The following ATP8B4 variants were observed in gnomAD, a reference collection of about 807,000 sequenced individuals.
ATP8B4 encodes the protein probable phospholipid-transporting ATPase IM.
ATP8B4 carries 133 observed loss-of-function variants against 145.6 expected under a neutral mutation model. The ratio of observed to expected loss-of-function variants is 0.91; its 90% CI spans 0.79 to 1.05. The LOEUF (loss-of-function observed/expected upper bound fraction) is 1.05, where lower values mean the gene tolerates loss of function less well. ATP8B4 is among the 50% of genes least tolerant of loss of function. ATP8B4 has a pLI of 0.00. For synonymous variants in ATP8B4, 507 were observed against 492.9 expected (o/e 1.03, Z -0.38); for missense variants, 1,458 against 1,425.2 (o/e 1.02, Z -0.37).
At chr15:50,167,497 A>T (rs977924966) in intron 1 of ATP8B4, among the ~76,000 whole-genome samples, 2 of 152,200 alleles carry the variant, frequency 1.3e-5, no homozygotes, top group Non-Finnish European at 2.9e-5. Context: ...GACATCTGTC[A>T]TTGAATTTAG....
chr15:50,164,089 C>T (rs1392005384), intron 1 of ATP8B4, among the ~76,000 whole-genome samples: 1 of 152,148 alleles, frequency 6.6e-6, no homozygotes, highest in East Asian at 1.9e-4. Context: ...TGCCTGGAGT[C>T]AGGGACCCCA....
At chr15:49,988,667 T>C (rs1020142192) in intron 9 of ATP8B4, among the ~76,000 whole-genome samples, 1 of 152,142 alleles carries the variant, frequency 6.6e-6, no homozygotes, top group African/African-American at 2.4e-5. Flanking sequence ...GGGGACTGTA[T>C]CTTTAGCGCT....
At chr15:50,015,283 C>T (rs189566685) in intron 6 of ATP8B4, among the ~76,000 whole-genome samples, 4 of 152,282 alleles carry the variant, frequency 2.6e-5, no homozygotes, top group African/African-American at 7.2e-5. Flanking sequence ...AGAGAGACTT[C>T]GTTTCCATTT....
intron 4 of ATP8B4, among the ~76,000 whole-genome samples, chr15:50,046,074 T>A (rs567187328): frequency 6.6e-6 from 1 of 152,290 alleles, no homozygotes; most frequent in Non-Finnish European, 1.5e-5. Context: ...TCTGTCCACA[T>A]AACTTTAGGA....
chr15:50,056,720 C>T (rs57531448), intron 3 of ATP8B4, among the ~76,000 whole-genome samples: 18,272 of 148,758 alleles, frequency 0.12, 1,583 homozygotes, highest in African/African-American at 0.25. Context: ...TATATATACA[C>T]ACACACACAC....
chr15:49,917,007 T>C lies in ATP8B4; in HGVS notation c.2068A>G (p.Met690Val). 2 of 1,614,060 alleles carry C rather than the reference T, an allele frequency of 1.2e-6. No homozygotes were observed. The highest frequency in any genetic ancestry group is 1.7e-6 in the Non-Finnish European group (2 of 1,179,934). Residue 690 changes from methionine (M) to valine (V), a missense_variant, in exon 20 of 28, where the codon ATG (methionine) becomes GTG (valine). Transcript: ENST00000284509. ...TAINIGYACN[M>V]LTDDMNDVFV... ...ACATCATTCATGTCGTCAGTCAGCA[T>C]GTTGCAGGCATAACCGATGTTGATG...
At chr15:49,945,327 AAGCATACCCAT>A (rs1440731899) in intron 14 of ATP8B4, among the ~76,000 whole-genome samples, 1 of 152,160 alleles carries the variant, frequency 6.6e-6, no homozygotes, top group African/African-American at 2.4e-5. Context: ...TAGAAAGTCT[AAGCATACCCAT>A]AGCTAGTATA....
intron 19 of ATP8B4, among the ~76,000 whole-genome samples, chr15:49,917,956 T>C (rs2039908947): frequency 6.6e-6 from 1 of 152,208 alleles, no homozygotes; most frequent in Non-Finnish European, 1.5e-5. Flanking sequence ...AGTGCTCAAC[T>C]TTCTACTGTT....
intron 14 of ATP8B4, among the ~76,000 whole-genome samples, chr15:49,938,003 T>C (rs1290380314): frequency 6.6e-6 from 1 of 152,116 alleles, no homozygotes; most frequent in Non-Finnish European, 1.5e-5. Context: ...AGTGCCATGA[T>C]AAGGCAAGCA....
At chr15:49,926,991 C>G (rs1003161509) in intron 16 of ATP8B4, among the ~76,000 whole-genome samples, 1 of 152,116 alleles carries the variant, frequency 6.6e-6, no homozygotes, top group Admixed American at 6.6e-5. Flanking sequence ...AAGAGCCTTC[C>G]AAGAAGCTTC....
At chr15:49,939,902 T>C (rs1333526057) in intron 14 of ATP8B4, among the ~76,000 whole-genome samples, 1 of 152,144 alleles carries the variant, frequency 6.6e-6, no homozygotes, top group Non-Finnish European at 1.5e-5. Context: ...AAACAACAGA[T>C]GCTGGTGAGG....
chr15:50,164,076 C>A (rs769195144), intron 1 of ATP8B4, among the ~76,000 whole-genome samples: 1 of 152,158 alleles, frequency 6.6e-6, no homozygotes, highest in Non-Finnish European at 1.5e-5. Flanking sequence ...GTTCAGGAGC[C>A]AATGCCTGGA....
chr15:50,085,887 A>ATATATGATATATATCATATATATT (rs2054901386), intron 2 of ATP8B4, among the ~76,000 whole-genome samples: 1 of 87,210 alleles, frequency 1.1e-5, no homozygotes, highest in East Asian at 3.1e-4. Context: ...TTATATATTT[A>ATATATGATATATATCATATATATT]TATATGATAT....
chr15:50,039,878 T>G (rs757511372), intron 5 of ATP8B4, among the ~76,000 whole-genome samples: 2 of 152,236 alleles, frequency 1.3e-5, no homozygotes, highest in Non-Finnish European at 2.9e-5. Flanking sequence ...AGGTATAAGT[T>G]AATAGATATT....
At chr15:50,162,796 G>A (rs569724313) in intron 1 of ATP8B4, among the ~76,000 whole-genome samples, 17 of 152,146 alleles carry the variant, frequency 1.1e-4, no homozygotes, top group African/African-American at 2.7e-4. Context: ...GTGAGCCACC[G>A]CGCCCGGCCT....
chr15:50,095,099 G>C (rs1194020551), intron 2 of ATP8B4, among the ~76,000 whole-genome samples: 1 of 152,052 alleles, frequency 6.6e-6, no homozygotes, highest in African/African-American at 2.4e-5. Context: ...TAGATGTCCA[G>C]GTTCTAGAAC....
intron 3 of ATP8B4, 126 bp from the exon 4 acceptor site, chr15:50,047,590 C>CT (rs2051823399): frequency 1.5e-6 from 1 of 666,016 alleles, no homozygotes; most frequent in Non-Finnish European, 2.6e-6. Context: ...AATTTCAACT[C>CT]TGTGTGGCTC....
intron 25 of ATP8B4, among the ~76,000 whole-genome samples, chr15:49,875,653 C>A (rs2034295600): frequency 6.6e-6 from 1 of 152,200 alleles, no homozygotes; most frequent in Non-Finnish European, 1.5e-5. Flanking sequence ...GGCAACATAG[C>A]AAGGCCTCCT....
At chr15:49,974,540 T>C (rs994146786) in intron 12 of ATP8B4, among the ~76,000 whole-genome samples, 2 of 152,106 alleles carry the variant, frequency 1.3e-5, no homozygotes, top group African/African-American at 2.4e-5. Context: ...TCTTTTCATT[T>C]TGTTTCCAGT....
Sources: gnomAD v4.1 joint callset for allele counts (sites outside exome capture counted in the v4.1 genomes callset) on GRCh38, gnomAD v4.1.1 for gene constraint, MANE v1.5 for transcripts, NCBI Gene and HGNC (gene_info 2026-07-23, HGNC 2026-07-21) for gene names.